INPP5B: variants seen among roughly 807,000 people sequenced by gnomAD.
The protein encoded by INPP5B is type II inositol 1,4,5-trisphosphate 5-phosphatase.
A neutral mutation model predicts 118.5 loss-of-function variants in INPP5B; 90 were observed. The ratio of observed to expected loss-of-function variants is 0.76; its 90% CI spans 0.64 to 0.90. The LOEUF is 0.90. Ranked by LOEUF, INPP5B falls within the 40% of genes least tolerant of loss-of-function variation. The pLI, the probability that INPP5B is intolerant of heterozygous loss-of-function variation, is 0.00. For synonymous variants in INPP5B, 385 were observed against 418.9 expected, an observed-to-expected ratio of 0.92 and a Z score of 0.99; for missense variants, 984 against 1,125.6, an observed-to-expected ratio of 0.87 and a Z score of 1.80.
At chr1:37,897,972 TA>T (rs1381956200) in intron 7 of INPP5B, among the ~76,000 whole-genome samples, 1 of 151,746 alleles carries the variant, frequency 6.6e-6, no homozygotes, top group Non-Finnish European at 1.5e-5. Flanking sequence ...TTTGTACACA[TA>T]AAAACCTGCA....
chr1:37,891,212 A>G (rs1385021793), intron 8 of INPP5B, 146 bp downstream of exon 8: 2 of 545,114 alleles, frequency 3.7e-6, no homozygotes, highest in Non-Finnish European at 6.5e-6. Flanking sequence ...GGGCAGTAAG[A>G]GCGAAACTCT....
intron 7 of INPP5B, among the ~76,000 whole-genome samples, chr1:37,923,177 T>G (rs1442303042): frequency 6.6e-6 from 1 of 152,018 alleles, no homozygotes. Context: ...CACCTACTGA[T>G]GTACAAGGCA....
At chr1:37,944,928 T>C (rs1441011091) in intron 3 of INPP5B, among the ~76,000 whole-genome samples, 6 of 152,084 alleles carry the variant, frequency 3.9e-5, no homozygotes, top group Non-Finnish European at 7.4e-5. Flanking sequence ...CTAACTCACT[T>C]TACTCTTTAA....
chr1:37,941,795 G>A (rs28689482), intron 5 of INPP5B, among the ~76,000 whole-genome samples: 12,992 of 135,852 alleles, frequency 0.096, 619 homozygotes, highest in East Asian at 0.15. Flanking sequence ...AAAATTAGCC[G>A]GGCATGGTAG....
intron 7 of INPP5B, among the ~76,000 whole-genome samples, chr1:37,900,464 A>G (rs1644289723): frequency 6.6e-6 from 1 of 150,616 alleles, no homozygotes; most frequent in African/African-American, 2.4e-5. Context: ...AATGTTGGTC[A>G]GGCTGGTCTT....
chr1:37,939,709 C>T (rs1645844666), intron 6 of INPP5B, among the ~76,000 whole-genome samples: 1 of 151,672 alleles, frequency 6.6e-6, no homozygotes, highest in South Asian at 2.1e-4. Flanking sequence ...TCCCAAAGTG[C>T]TGGGATTACA....
At chr1:37,937,315 AAAAT>A (rs970459882) in intron 6 of INPP5B, among the ~76,000 whole-genome samples, 42 of 151,928 alleles carry the variant, frequency 2.8e-4, no homozygotes, top group Non-Finnish European at 3.8e-4. Flanking sequence ...CGTCTCACAA[AAAAT>A]AAATAAATAA....
chr1:37,913,985 G>A lies in INPP5B; in HGVS notation c.532+17928C>T, dbSNP rs138199840. On this transcript the variant is annotated intron_variant, in intron 7 of 23. Coordinates refer to ENST00000373024, the MANE Select transcript of INPP5B (RefSeq NM_005540.3). ...ACCCCCCCACTTAAGAAGGTGCTTCGTAATATTCTCCCCGCCCTTGAGAAT... is the reference window on the plus strand; with the variant it reads ...ACCCCCCCACTTAAGAAGGTGCTTCATAATATTCTCCCCGCCCTTGAGAAT... Among the ~76,000 whole-genome samples the A allele has an allele frequency of 3.5e-3, 531 of 151,888 alleles. 1 individual carries two copies. Among genetic ancestry groups the A allele is most frequent in the African/African-American group, 5.2e-3 (214 of 41,374 alleles).
At chr1:37,877,214 T>G (rs1328974614) in intron 16 of INPP5B, among the ~76,000 whole-genome samples, 7 of 151,820 alleles carry the variant, frequency 4.6e-5, no homozygotes, top group African/African-American at 1.7e-4. Context: ...TGGTGTAATG[T>G]GCCTGTAATC....
chr1:37,925,855 A>G (rs1157715859), intron 7 of INPP5B, among the ~76,000 whole-genome samples: 1 of 152,240 alleles, frequency 6.6e-6, no homozygotes, highest in Non-Finnish European at 1.5e-5. Flanking sequence ...GGGGAACAAC[A>G]AAAGGAAGAA....
In INPP5B at chr1:37,882,791, A is replaced by T. The variant is rs539406675; in HGVS notation, c.1431+16T>A. ...GAGGACAGCTGCTGGAAGAGGGCAC[A>T]GGTGGCCATCTGTACCTGATCATAT... On this transcript the variant is annotated intron_variant, in intron 14 of 23. Coordinates refer to ENST00000373024, the MANE Select transcript of INPP5B (RefSeq NM_005540.3). The T allele has an allele frequency of 6.3e-7, 1 of 1,586,268 alleles. No homozygotes were observed. The highest frequency in any genetic ancestry group is 1.1e-5 in the South Asian group (1 of 90,514).
intron 7 of INPP5B, among the ~76,000 whole-genome samples, chr1:37,895,933 A>C (rs1248994455): frequency 6.6e-6 from 1 of 151,360 alleles, no homozygotes; most frequent in Non-Finnish European, 1.5e-5. Context: ...CCCGGCCACC[A>C]CCCCGTCTGG....
chr1:37,941,846 G>C (rs1645927086), intron 5 of INPP5B, among the ~76,000 whole-genome samples: 2 of 132,114 alleles, frequency 1.5e-5, no homozygotes, highest in Admixed American at 1.5e-4. Context: ...GCTGAGGCAG[G>C]AGAATGGCGT....
chr1:37,913,189 G>A (rs1248715122), intron 7 of INPP5B, among the ~76,000 whole-genome samples: 1 of 152,094 alleles, frequency 6.6e-6, no homozygotes, highest in Non-Finnish European at 1.5e-5. Flanking sequence ...CCCGGAAGGC[G>A]GAGCTTGCAG....
At chr1:37,890,581 G>A (rs1176983247) in intron 8 of INPP5B, among the ~76,000 whole-genome samples, 2 of 152,142 alleles carry the variant, frequency 1.3e-5, no homozygotes, top group African/African-American at 2.4e-5. Context: ...GGGGGCACTG[G>A]AGTACAGACT....
intron 7 of INPP5B, among the ~76,000 whole-genome samples, chr1:37,910,124 G>C (rs556876658): frequency 1.3e-5 from 2 of 152,328 alleles, no homozygotes; most frequent in East Asian, 3.9e-4. Flanking sequence ...AGCGGCTGAA[G>C]ACTGACACTG....
At chr1:37,939,154 A>T (rs1645813721) in intron 6 of INPP5B, among the ~76,000 whole-genome samples, 1 of 148,880 alleles carries the variant, frequency 6.7e-6, no homozygotes, top group African/African-American at 2.5e-5. Context: ...AGGTCGTACC[A>T]CCACACTGCA....
At chr1:37,865,914 G>A (rs764055861) in intron 21 of INPP5B, 26 bp from the exon 22 acceptor site, 39 of 1,608,538 alleles carry the variant, frequency 2.4e-5, no homozygotes, top group African/African-American at 9.4e-5. Context: ...TTAAGGAACC[G>A]ATAATGCTGC....
chr1:37,906,891 A>C (rs1644520975), intron 7 of INPP5B, among the ~76,000 whole-genome samples: 3 of 151,932 alleles, frequency 2.0e-5, no homozygotes. Context: ...AGAAAAAAAA[A>C]ACCTATGGTT....
Sources: gnomAD v4.1 joint callset for allele counts (sites outside exome capture counted in the v4.1 genomes callset) on GRCh38, gnomAD v4.1.1 for gene constraint, MANE v1.5 for transcripts, NCBI Gene and HGNC (gene_info 2026-07-23, HGNC 2026-07-21) for gene names.